The following GNG12 variants were observed in gnomAD, a reference collection of about 807,000 sequenced individuals.
The protein encoded by GNG12 is G protein subunit gamma 12.
For missense variants in GNG12, 69 were observed against 83.8 expected (o/e 0.82, Z 0.69); for synonymous variants, 28 against 29.7 (o/e 0.94, Z 0.19).
intron 2 of GNG12, among the ~76,000 whole-genome samples, chr1:67,734,128 T>C (rs960087940): frequency 6.6e-6 from 1 of 152,054 alleles, no homozygotes; most frequent in Admixed American, 6.5e-5. Context: ...ATAGCTGTCC[T>C]GTGTCCCAGC....
chr1:67,721,652 G>T (rs1381737914), intron 2 of GNG12, among the ~76,000 whole-genome samples: 1 of 152,166 alleles, frequency 6.6e-6, no homozygotes, highest in Non-Finnish European at 1.5e-5. Flanking sequence ...GAGAATGGGG[G>T]ATACACAGAC....
chr1:67,806,428 G>A (rs1038330000), intron 1 of GNG12, among the ~76,000 whole-genome samples: 15 of 151,848 alleles, frequency 9.9e-5, no homozygotes, highest in African/African-American at 2.9e-4. Context: ...TAATATTTAC[G>A]GGATGTGAAA....
At chr1:67,830,851 A>T (rs1304358765) in intron 1 of GNG12, among the ~76,000 whole-genome samples, 2 of 152,168 alleles carry the variant, frequency 1.3e-5, no homozygotes, top group African/African-American at 2.4e-5. Context: ...TCAAGCTGCC[A>T]CCCTGCAATT....
chr1:67,817,063 T>C (rs1021974074), intron 1 of GNG12, among the ~76,000 whole-genome samples: 1 of 152,026 alleles, frequency 6.6e-6, no homozygotes, highest in African/African-American at 2.4e-5. Context: ...TCACTGACAA[T>C]ATAAAGATGA....
chr1:67,815,282 G>A (rs1345687344), intron 1 of GNG12, among the ~76,000 whole-genome samples: 2 of 152,130 alleles, frequency 1.3e-5, no homozygotes, highest in African/African-American at 4.8e-5. Flanking sequence ...AATAAGAAAT[G>A]CTGCTGGATA....
At chr1:67,826,659 GT>G (rs1195467489) in intron 1 of GNG12, among the ~76,000 whole-genome samples, 1 of 152,198 alleles carries the variant, frequency 6.6e-6, no homozygotes. Flanking sequence ...TGAGATTCTG[GT>G]TAAACTTGGT....
chr1:67,784,304 T>G, intron 1 of GNG12, among the ~76,000 whole-genome samples: 1 of 113,976 alleles, frequency 8.8e-6, no homozygotes, highest in Admixed American at 1.1e-4. Context: ...CATCACACTC[T>G]GGGGACTGTT....
intron 1 of GNG12, among the ~76,000 whole-genome samples, chr1:67,804,005 G>A (rs889233275): frequency 1.3e-5 from 2 of 152,224 alleles, no homozygotes; most frequent in Non-Finnish European, 2.9e-5. Context: ...AGTCCAGGCA[G>A]AACGGCTGGC....
At position 67,780,782 on chromosome 1, in the gene GNG12, G is replaced by T. The variant is rs12075399; in HGVS notation, c.-76-3275C>A. ...GCAACTCGGAGCAACTCGGAGCTTG[G>T]CAGACTTGCTCACACCTCCAAGTTC... On this transcript the variant is annotated intron_variant, in intron 1 of 3. Coordinates refer to ENST00000370982, the MANE Select transcript of GNG12 (RefSeq NM_018841.6). Among the ~76,000 whole-genome samples the T allele has an allele frequency of 1.9e-3, 282 of 152,268 alleles. 1 individual carries two copies. The highest frequency in any genetic ancestry group is 6.4e-3 in the African/African-American group (268 of 41,556).
intron 2 of GNG12, among the ~76,000 whole-genome samples, chr1:67,737,361 T>C (rs1426819730): frequency 6.6e-6 from 1 of 152,232 alleles, no homozygotes; most frequent in East Asian, 1.9e-4. Context: ...TGATTTCTGT[T>C]CTAAGGCAAT....
In GNG12 at chr1:67,812,957, C is replaced by T. The variant is rs1004967779; in HGVS notation, c.-77+20387G>A. ...GCTGGAATCAGGAATCCTGGAGCTG[C>T]CACCAATTAGCTATGTGAACTTGGC... On this transcript the variant is annotated intron_variant, in intron 1 of 3. Coordinates refer to ENST00000370982, the MANE Select transcript of GNG12 (RefSeq NM_018841.6). 2.1e-4 allele frequency among the ~76,000 whole-genome samples: 32 copies of T among 152,290 alleles called. 1 individual carries two copies. The highest frequency in any genetic ancestry group is 1.6e-3 in the Admixed American group (25 of 15,294).
chr1:67,709,866 TTATA>T (rs1209620776), intron 2 of GNG12, among the ~76,000 whole-genome samples: 2 of 122,384 alleles, frequency 1.6e-5, no homozygotes, highest in African/African-American at 3.3e-5. Context: ...ATATATATAG[TTATA>T]TATATATTTA....
chr1:67,755,002 C>A lies in GNG12; in HGVS notation c.-27+22456G>T, dbSNP rs141655690. On this transcript the variant is annotated intron_variant, in intron 2 of 3. Transcript: ENST00000370982. ...AGTGTTTAGTGGTGGGCATGTGCCC[C>A]AGTTCTGACCAGTGAGACATGAGGG... is the stretch of plus-strand genomic sequence containing the variant. Among the ~76,000 whole-genome samples the A allele has an allele frequency of 7.4e-4, 113 of 152,358 alleles. 1 individual carries two copies. The East Asian group carries it at 0.015, about 20-fold the overall frequency.
intron 2 of GNG12, among the ~76,000 whole-genome samples, chr1:67,714,620 GGCA>G (rs1374615808): frequency 6.6e-6 from 1 of 152,160 alleles, no homozygotes; most frequent in African/African-American, 2.4e-5. Flanking sequence ...ACTGGAGCCA[GGCA>G]GCAGTTCTAC....
At chr1:67,722,647 G>A (rs1378300407) in intron 2 of GNG12, among the ~76,000 whole-genome samples, 1 of 152,162 alleles carries the variant, frequency 6.6e-6, no homozygotes, top group Non-Finnish European at 1.5e-5. Flanking sequence ...TTACTGAGGG[G>A]AGTGGTAGAC....
chr1:67,754,792 C>T (rs1646558895), intron 2 of GNG12, among the ~76,000 whole-genome samples: 1 of 152,230 alleles, frequency 6.6e-6, no homozygotes, highest in Non-Finnish European at 1.5e-5. Context: ...GTGAGGACTT[C>T]CTTGCTCTCC....
chr1:67,725,462 T>C (rs1646380062), intron 2 of GNG12, among the ~76,000 whole-genome samples: 1 of 152,210 alleles, frequency 6.6e-6, no homozygotes, highest in African/African-American at 2.4e-5. Context: ...ACATTTTGTG[T>C]TGGCCCTCAT....
Position 67,786,892 on chromosome 1 carries a change from G to T in GNG12, c.-76-9385C>A, listed in dbSNP as rs946651458. 2.0e-5 allele frequency among the ~76,000 whole-genome samples: 3 copies of T among 150,426 alleles called. No individual in the cohort carries two copies. The East Asian group carries it at 5.9e-4, about 29-fold the overall frequency. On this transcript the variant is annotated intron_variant, in intron 1 of 3. Coordinates refer to ENST00000370982, the MANE Select transcript of GNG12 (RefSeq NM_018841.6). Reference sequence around the variant, plus strand: ...GTGGAGGTTGCAGTGAGCAGATATTGAGCCACTGCACTCCAGCCTAGGTAA... The same window carrying T: ...GTGGAGGTTGCAGTGAGCAGATATTTAGCCACTGCACTCCAGCCTAGGTAA...
intron 2 of GNG12, among the ~76,000 whole-genome samples, chr1:67,770,922 A>G (rs1314991336): frequency 6.6e-6 from 1 of 152,138 alleles, no homozygotes; most frequent in Admixed American, 6.5e-5. Context: ...CTGACTGTTT[A>G]TAGACCAAAA....
Sources: allele counts gnomAD v4.1 joint callset (sites outside exome capture counted in the v4.1 genomes callset), GRCh38; gene constraint gnomAD v4.1.1; transcripts MANE v1.5; gene names NCBI Gene and HGNC (gene_info 2026-07-23, HGNC 2026-07-21).